Variants in TMEM247 observed in about 807,000 individuals in gnomAD.
TMEM247 encodes transmembrane protein ENSP00000343375.
TMEM247 carries 23 observed loss-of-function variants against 20.7 expected under a neutral mutation model. The observed-to-expected ratio is 1.11, with a 90% CI of 0.80 to 1.57. TMEM247 has a LOEUF of 1.57. TMEM247 is among the 40% of genes most tolerant of loss of function. The pLI is 0.00. For synonymous variants in TMEM247, 106 were observed against 111.9 expected, an observed-to-expected ratio of 0.95 and a Z score of 0.33; for missense variants, 354 against 283.8, an observed-to-expected ratio of 1.25 and a Z score of -1.78.
chr2:46,483,596 G>A (rs1686931204), intron 2 of TMEM247, among the ~76,000 whole-genome samples: 2 of 152,204 alleles, frequency 1.3e-5, no homozygotes, highest in East Asian at 3.8e-4. Flanking sequence ...CTTGGAGTCA[G>A]AGGGAGAAGA....
chr2:46,482,979 G>A (rs942605611), intron 2 of TMEM247, among the ~76,000 whole-genome samples: 36 of 152,308 alleles, frequency 2.4e-4, no homozygotes, highest in African/African-American at 8.2e-4. Flanking sequence ...GAGTTGACTT[G>A]ATGTTGTACC....
intron 1 of TMEM247, 66 bp downstream of exon 1, chr2:46,479,768 A>C: frequency 8.5e-7 from 1 of 1,183,112 alleles, no homozygotes; most frequent in Non-Finnish European, 1.2e-6. Context: ...ATACTGTAGG[A>C]ACACATGCTT....
chr2:46,480,472 G>C, exon 2 of TMEM247: 3 of 1,551,678 alleles, frequency 1.9e-6, no homozygotes, highest in Non-Finnish European at 2.6e-6. Context: ...TGTGAGGACG[G>C]AGGCTGCCAA....
rs114367869 is a variant in TMEM247 at position 46,483,672 on chromosome 2, C to T, written c.478-572C>T. Among the ~76,000 whole-genome samples, 878 of 152,278 alleles carry T rather than the reference C, an allele frequency of 5.8e-3. 8 individuals carry two copies. Among genetic ancestry groups the T allele is most frequent in the Non-Finnish European group, 7.6e-3 (519 of 68,026 alleles). Reference sequence around the variant, plus strand: ...AGAAAGGAAGGTGGTGGCCTGGCGCCCCAGTCAGGAGGGATAAGAGCAGCT... The same window carrying T: ...AGAAAGGAAGGTGGTGGCCTGGCGCTCCAGTCAGGAGGGATAAGAGCAGCT... On this transcript the variant is annotated intron_variant, in intron 2 of 2. Coordinates refer to ENST00000434431, the Ensembl canonical transcript of TMEM247.
chr2:46,480,220 T>C (rs750018991), intron 1 of TMEM247, among the ~76,000 whole-genome samples, 185 bp from the exon 2 acceptor site: 2 of 152,148 alleles, frequency 1.3e-5, no homozygotes, highest in African/African-American at 2.4e-5. Context: ...TAGTTTGCCC[T>C]CTCCTTGACC....
In TMEM247 at chr2:46,479,620, G is replaced by A. The variant is rs760702682; in HGVS notation, c.35G>A (p.Arg12Gln). The A allele has an allele frequency of 1.0e-4, 155 of 1,551,588 alleles. 4 individuals carry two copies. In the South Asian group the frequency reaches 1.3e-3, roughly 13 times the overall value. The change falls in exon 1 of 3, where the codon CGG (arginine) becomes CAG (glutamine). Residue 12 changes from arginine to glutamine, a missense_variant. Coordinates refer to ENST00000434431, the Ensembl canonical transcript of TMEM247. ...GAGGACAGGGAGATGATGGAAGCCC[G>A]GGGTGCGGGAGAAAGTTGCCCGACC... is the stretch of plus-strand genomic sequence containing the variant.
intron 1 of TMEM247, among the ~76,000 whole-genome samples, 175 bp downstream of exon 1, chr2:46,479,877 T>A (rs1402075685): frequency 1.3e-5 from 2 of 152,150 alleles, no homozygotes; most frequent in African/African-American, 4.8e-5. Context: ...CTCCATAAGA[T>A]TGTGAAGTCA....
chr2:46,479,671 C>T, exon 1 of TMEM247: 1 of 1,551,762 alleles, frequency 6.4e-7, no homozygotes, highest in South Asian at 1.2e-5. Flanking sequence ...CCTGGTGACT[C>T]CAAGTCTGAA....
intron 1 of TMEM247, 93 bp downstream of exon 1, chr2:46,479,795 T>C (rs890966959): frequency 3.1e-5 from 28 of 908,336 alleles, no homozygotes; most frequent in Non-Finnish European, 4.2e-5. Flanking sequence ...TCCAGACAAC[T>C]GCCAAGAACA....
At chr2:46,480,514 G>T in exon 2 of TMEM247, 1 of 1,551,722 alleles carries the variant, frequency 6.4e-7, no homozygotes, top group Admixed American at 2.0e-5. Flanking sequence ...CCCAAGTCCT[G>T]CCGTGCTACC....
In TMEM247 at chr2:46,484,145, T is replaced by C. The variant is rs923450350; in HGVS notation, c.478-99T>C. 5.6e-6 allele frequency: 6 copies of C among 1,066,520 alleles called. No homozygotes were observed. In the Admixed American group the frequency reaches 1.8e-4, roughly 31 times the overall value. The allele number at this position is 1,066,520 out of a possible 1,614,324, so 66.1% of individuals were successfully genotyped here. The stretch of plus-strand genomic sequence containing the variant: ...CCTTTCTTTAGGTGAAGATGATGAC[T>C]TGAGGTCACATACAGGCAGGGTCAG... On this transcript the variant is annotated intron_variant, in intron 2 of 2. Transcript: ENST00000434431.
At position 46,479,774 on chromosome 2, in the gene TMEM247, T is replaced by C. The variant is rs186632866; in HGVS notation, c.117+72T>C. On this transcript the variant is annotated intron_variant, in intron 1 of 2. Coordinates refer to ENST00000434431, the Ensembl canonical transcript of TMEM247. ...GGAGCAAGAATACTGTAGGAACACA[T>C]GCTTTGAGCTTCCAGACAACTGCCA... 1.9e-4 allele frequency: 209 copies of C among 1,110,442 alleles called. 1 individual carries two copies. Among genetic ancestry groups the C allele is most frequent in the East Asian group, 1.7e-3 (65 of 38,554 alleles). The allele number at this position is 1,110,442 out of a possible 1,614,324, so 68.8% of individuals were successfully genotyped here.
intron 2 of TMEM247, among the ~76,000 whole-genome samples, chr2:46,481,925 A>G (rs1686896361): frequency 6.6e-6 from 1 of 152,216 alleles, no homozygotes; most frequent in Non-Finnish European, 1.5e-5. Context: ...TCCATTAATC[A>G]TCACCCTTGA....
At chr2:46,480,381 C>A in intron 1 of TMEM247, 24 bp from the exon 2 acceptor site, 1 of 1,515,770 alleles carries the variant, frequency 6.6e-7, no homozygotes. Context: ...AAGGTACCTC[C>A]CCTCCCTGCT....
At chr2:46,481,398 G>C (rs1686886845) in intron 2 of TMEM247, among the ~76,000 whole-genome samples, 1 of 152,248 alleles carries the variant, frequency 6.6e-6, no homozygotes, top group South Asian at 2.1e-4. Flanking sequence ...GGGATGTGAA[G>C]AGCTTAGCAC....
intron 1 of TMEM247, 32 bp downstream of exon 1, chr2:46,479,734 C>T: frequency 1.4e-6 from 2 of 1,439,278 alleles, no homozygotes; most frequent in Non-Finnish European, 1.9e-6. Context: ...ACCACCCCCG[C>T]CTATTCCGTC....
chr2:46,479,622 G>A (rs1053261610), exon 1 of TMEM247: 4 of 1,551,606 alleles, frequency 2.6e-6, no homozygotes, highest in African/African-American at 2.7e-5. Context: ...GGAAGCCCGG[G>A]GTGCGGGAGA....
Position 46,479,616 on chromosome 2 carries a change from GC to G in TMEM247, c.34del (p.Arg12GlyfsTer123). The stretch of plus-strand genomic sequence containing the variant: ...AGCAGAGGACAGGGAGATGATGGAA[GC>G]CCGGGGTGCGGGAGAAAGTTGCCCG... On this transcript the variant is annotated frameshift_variant, in exon 1 of 3. Transcript: ENST00000434431. LOFTEE classifies it high-confidence loss of function. 1 of 1,551,776 alleles carries G rather than the reference GC, an allele frequency of 6.4e-7. No individual in the cohort carries two copies.
intron 2 of TMEM247, among the ~76,000 whole-genome samples, chr2:46,482,300 G>C (rs1405093958): frequency 6.6e-6 from 1 of 152,130 alleles, no homozygotes; most frequent in African/African-American, 2.4e-5. Context: ...TTAGACTTTA[G>C]CACACTTCCT....
Sources: gnomAD v4.1 joint callset for allele counts (sites outside exome capture counted in the v4.1 genomes callset) on GRCh38, gnomAD v4.1.1 for gene constraint, MANE v1.5 for transcripts, NCBI Gene and HGNC (gene_info 2026-07-23, HGNC 2026-07-21) for gene names.